P2RY14: variants seen among roughly 807,000 people sequenced by gnomAD.
P2RY14 encodes the protein purinergic receptor P2Y14, also known as P2Y purinoceptor 14.
In P2RY14, 2 loss-of-function variants were observed where a neutral mutation model predicts 0.9. That is an observed-to-expected ratio of 2.16 (90% CI 0.88 to 6.79). The LOEUF (loss-of-function observed/expected upper bound fraction) is 6.79. Among genes scored for constraint, P2RY14 ranks in the 30% most tolerant of loss-of-function variants. The pLI is 0.05. For synonymous variants in P2RY14, 158 were observed against 147.2 expected (o/e 1.07, Z -0.53); for missense variants, 378 against 400.1 (o/e 0.94, Z 0.47).
chr3:151,247,603 G>A (rs1220533881), intron 1 of P2RY14, among the ~76,000 whole-genome samples: 2 of 111,708 alleles, frequency 1.8e-5, no homozygotes, highest in Non-Finnish European at 4.0e-5. Flanking sequence ...CACACTCCGG[G>A]GACTGTTGTG....
chr3:151,254,009 T>TC (rs931676989), intron 1 of P2RY14, among the ~76,000 whole-genome samples: 1 of 151,466 alleles, frequency 6.6e-6, no homozygotes, highest in East Asian at 1.9e-4. Flanking sequence ...GTTTTTTTTT[T>TC]TTGTTAATTT....
intron 1 of P2RY14, among the ~76,000 whole-genome samples, chr3:151,230,927 A>G (rs1170149830): frequency 6.6e-6 from 1 of 152,206 alleles, no homozygotes; most frequent in African/African-American, 2.4e-5. Context: ...ATTTCCGATC[A>G]GGTACAGGAA....
intron 1 of P2RY14, among the ~76,000 whole-genome samples, chr3:151,250,757 A>G (rs1736697707): frequency 6.6e-6 from 1 of 152,114 alleles, no homozygotes; most frequent in Non-Finnish European, 1.5e-5. Context: ...TTAAGACCCT[A>G]CTTTCAGTTC....
At position 151,252,884 on chromosome 3, in the gene P2RY14, T is replaced by G. The variant is rs2870520; in HGVS notation, c.-133+25403A>C. 1.1e-3 allele frequency among the ~76,000 whole-genome samples: 171 copies of G among 152,084 alleles called. 2 individuals are homozygous for G. Among genetic ancestry groups the G allele is most frequent in the African/African-American group, 3.8e-3 (159 of 41,478 alleles). Reference sequence around the variant, plus strand: ...TTGTGTGGATCAAACCTAGTCCAATTTTATTGATTTAAAGCAATGACTGTA... The same window carrying G: ...TTGTGTGGATCAAACCTAGTCCAATGTTATTGATTTAAAGCAATGACTGTA... On this transcript the variant is annotated intron_variant, in intron 1 of 2. Coordinates refer to ENST00000309170, the MANE Select transcript of P2RY14 (RefSeq NM_014879.4).
chr3:151,274,138 G>T (rs896235174), intron 1 of P2RY14, among the ~76,000 whole-genome samples: 3 of 152,176 alleles, frequency 2.0e-5, no homozygotes, highest in African/African-American at 7.2e-5. Flanking sequence ...CAGAAAAAAG[G>T]CCTCGCTGCC....
chr3:151,212,734 A>G lies in P2RY14; in HGVS notation c.*566T>C, dbSNP rs1477813458. ...AATATTCCTCTTCCTTTGCAGTGCC[A>G]TGAAATACATCAATAAGGGGTTTCT... On this transcript the variant is annotated 3_prime_UTR_variant, in exon 3 of 3. Transcript: ENST00000309170. 4 of 152,096 alleles carry G rather than the reference A, an allele frequency of 2.6e-5. No homozygotes were observed. The South Asian group carries it at 6.2e-4, about 24-fold the overall frequency. The allele number at this position is 152,096 out of a possible 1,614,324, so 9.4% of individuals were successfully genotyped here. A position where few individuals can be genotyped will look rare whatever the true frequency, so the allele number is the denominator to read the frequency against.
intron 2 of P2RY14, among the ~76,000 whole-genome samples, chr3:151,215,913 T>C (rs1467410204): frequency 6.6e-6 from 1 of 152,222 alleles, no homozygotes; most frequent in African/African-American, 2.4e-5. Context: ...GACTTTCATT[T>C]GTGTGGAAAA....
intron 1 of P2RY14, among the ~76,000 whole-genome samples, chr3:151,225,755 C>CT (rs1730363019): frequency 6.6e-6 from 1 of 152,104 alleles, no homozygotes; most frequent in Admixed American, 6.5e-5. Context: ...CACCCCCTAT[C>CT]TTTTTTCATT....
intron 1 of P2RY14, among the ~76,000 whole-genome samples, chr3:151,228,087 C>G (rs1431848538): frequency 6.6e-6 from 1 of 152,134 alleles, no homozygotes; most frequent in East Asian, 1.9e-4. Flanking sequence ...AATAACTCAT[C>G]AGCAGTAAGT....
In P2RY14 at chr3:151,255,467, C is replaced by T. The variant is rs144650067; in HGVS notation, c.-133+22820G>A. 9.3e-3 allele frequency among the ~76,000 whole-genome samples: 1,413 copies of T among 151,922 alleles called. 20 individuals carry two copies. Among genetic ancestry groups the T allele is most frequent in the African/African-American group, 0.032 (1,315 of 41,406 alleles). On this transcript the variant is annotated intron_variant, in intron 1 of 2. Transcript: ENST00000309170. ...GGCCAGGGGGAGGGGGCTGGGGGTG[C>T]GGGCAGGCGGTTTGGGTATAAATGC...
At chr3:151,238,689 TAAAC>T (rs1204416556) in intron 1 of P2RY14, among the ~76,000 whole-genome samples, 3 of 152,182 alleles carry the variant, frequency 2.0e-5, no homozygotes, top group Non-Finnish European at 4.4e-5. Flanking sequence ...CATACAATCT[TAAAC>T]AAGAAAAGAA....
At position 151,249,397 on chromosome 3, in the gene P2RY14, A is replaced by T. The variant is rs564079322; in HGVS notation, c.-133+28890T>A. Among the ~76,000 whole-genome samples the T allele has an allele frequency of 4.7e-3, 723 of 152,340 alleles. 8 individuals carry two copies. Among genetic ancestry groups the T allele is most frequent in the Middle Eastern group, 0.024 (7 of 294 alleles). On this transcript the variant is annotated intron_variant, in intron 1 of 2. Transcript: ENST00000309170. ...GGAAAACCAAAAAATATTTGAGAGT[A>T]AAACATCTGCACGTTTCCTTCTTTC...
chr3:151,251,993 A>G (rs974338847), intron 1 of P2RY14, among the ~76,000 whole-genome samples: 4 of 152,168 alleles, frequency 2.6e-5, no homozygotes, highest in Admixed American at 1.3e-4. Context: ...AAATTATTAC[A>G]TAACTGTGTA....
intron 1 of P2RY14, among the ~76,000 whole-genome samples, chr3:151,226,156 G>A (rs898275919): frequency 6.6e-6 from 1 of 152,214 alleles, no homozygotes; most frequent in African/African-American, 2.4e-5. Context: ...AACACAGTGA[G>A]CACGTATCTA....
At chr3:151,275,175 G>A (rs758509161) in intron 1 of P2RY14, among the ~76,000 whole-genome samples, 5 of 152,106 alleles carry the variant, frequency 3.3e-5, no homozygotes, top group Admixed American at 6.5e-5. Context: ...AAATAATTGC[G>A]TGTGTATGAT....
At chr3:151,224,086 T>A (rs950552820) in intron 1 of P2RY14, among the ~76,000 whole-genome samples, 1 of 152,178 alleles carries the variant, frequency 6.6e-6, no homozygotes, top group Non-Finnish European at 1.5e-5. Context: ...TGTCTGCACT[T>A]CTGTTTTTGT....
chr3:151,253,220 A>G (rs1737172487), intron 1 of P2RY14, among the ~76,000 whole-genome samples: 1 of 152,166 alleles, frequency 6.6e-6, no homozygotes, highest in Non-Finnish European at 1.5e-5. Context: ...GTTCCGAGAA[A>G]AGCCAACAAA....
At chr3:151,240,188 A>G (rs1195946080) in intron 1 of P2RY14, among the ~76,000 whole-genome samples, 1 of 151,844 alleles carries the variant, frequency 6.6e-6, no homozygotes, top group Non-Finnish European at 1.5e-5. Context: ...TTAAGGTAGT[A>G]GGTAGTCAAT....
intron 1 of P2RY14, among the ~76,000 whole-genome samples, chr3:151,231,207 A>G (rs1731599176): frequency 6.6e-6 from 1 of 152,224 alleles, no homozygotes; most frequent in Non-Finnish European, 1.5e-5. Context: ...GCTGGCTAGT[A>G]AAGGTAGAAG....
Sources: allele counts gnomAD v4.1 joint callset (sites outside exome capture counted in the v4.1 genomes callset), GRCh38; gene constraint gnomAD v4.1.1; transcripts MANE v1.5; gene names NCBI Gene and HGNC (gene_info 2026-07-23, HGNC 2026-07-21).